Variants in RNF216 observed in about 807,000 individuals in gnomAD.
RNF216 encodes E3 ubiquitin-protein ligase RNF216.
Under a neutral mutation model 110.8 loss-of-function variants are expected in RNF216, and 72 were observed. The observed-to-expected ratio is 0.65, with a 90% CI of 0.54 to 0.79. The LOEUF (loss-of-function observed/expected upper bound fraction) is 0.79. RNF216 is among the 30% of genes least tolerant of loss of function. The pLI is 0.00. For synonymous variants in RNF216, 495 were observed against 407.5 expected, an observed-to-expected ratio of 1.21 and a Z score of -2.59; for missense variants, 1,342 against 1,141.2, an observed-to-expected ratio of 1.18 and a Z score of -2.54.
At position 5,680,649 on chromosome 7, in the gene RNF216, G is replaced by A. The variant is rs561375426; in HGVS notation, c.2062-28139C>T. On this transcript the variant is annotated intron_variant, in intron 13 of 16. Transcript: ENST00000389902. The surrounding 1 kb of genome is among the most constrained non-coding windows in gnomAD (Gnocchi z 4.3). The stretch of plus-strand genomic sequence containing the variant: ...GATCTCCTGACCTTGTGATCTGCCC[G>A]ACTCGGCCTCCCAAAGTGCTGGGAT... Among the ~76,000 whole-genome samples, 11 of 152,056 alleles carry A rather than the reference G, an allele frequency of 7.2e-5. No homozygotes were observed. Among genetic ancestry groups the A allele is most frequent in the Admixed American group, 5.9e-4 (9 of 15,270 alleles).
intron 13 of RNF216, among the ~76,000 whole-genome samples, chr7:5,676,819 T>G (rs1269595530): frequency 6.6e-6 from 1 of 152,192 alleles, no homozygotes; most frequent in Admixed American, 6.5e-5. Context: ...TCCAAGCACT[T>G]CCTCTCTGGT....
chr7:5,660,932 T>C (rs554379760), intron 13 of RNF216, among the ~76,000 whole-genome samples: 214 of 145,082 alleles, frequency 1.5e-3, no homozygotes, highest in Non-Finnish European at 2.5e-3. Flanking sequence ...TCCATGCTCC[T>C]GAAGCCTTAG....
At chr7:5,760,813 G>A (rs1034377345) in intron 2 of RNF216, among the ~76,000 whole-genome samples, 190 bp downstream of exon 2, 1 of 152,170 alleles carries the variant, frequency 6.6e-6, no homozygotes, top group Non-Finnish European at 1.5e-5. Context: ...TGTAATGAAT[G>A]AGTCTTACAC....
At chr7:5,753,664 G>T (rs1795448783) in intron 2 of RNF216, among the ~76,000 whole-genome samples, 1 of 152,098 alleles carries the variant, frequency 6.6e-6, no homozygotes, top group South Asian at 2.1e-4. Flanking sequence ...TTCCTGTCTA[G>T]TTCCATGGGA....
At chr7:5,773,849 G>A (rs10240006) in intron 1 of RNF216, among the ~76,000 whole-genome samples, 72,310 of 152,112 alleles carry the variant, frequency 0.48, 17,661 homozygotes, top group East Asian at 0.82. Context: ...TAACAGGCGA[G>A]TCACCGTGCC....
chr7:5,644,832 T>G (rs993888067), intron 14 of RNF216, among the ~76,000 whole-genome samples: 3 of 150,616 alleles, frequency 2.0e-5, no homozygotes, highest in Non-Finnish European at 4.4e-5. Flanking sequence ...TTTTTCTTTT[T>G]TTTTTTTTTT....
At chr7:5,687,610 T>G (rs1791075787) in intron 13 of RNF216, among the ~76,000 whole-genome samples, 2 of 152,062 alleles carry the variant, frequency 1.3e-5, no homozygotes, top group South Asian at 4.1e-4. Flanking sequence ...TGCCTGCCCC[T>G]TGTGAAATCC....
intron 1 of RNF216, among the ~76,000 whole-genome samples, chr7:5,772,637 T>C (rs567008628): frequency 1.8e-4 from 27 of 152,296 alleles, no homozygotes; most frequent in African/African-American, 6.5e-4. Context: ...AAAGAGTTAA[T>C]AGTCAAATAA....
rs772245818 is a variant in RNF216, at chr7:5,712,874, G to C, written c.1834-11C>G. The C allele has an allele frequency of 1.3e-6, 2 of 1,593,448 alleles. No homozygotes were observed. Among genetic ancestry groups the C allele is most frequent in the Non-Finnish European group, 8.5e-7 (1 of 1,173,136 alleles). ...GCAGCTGAGCTCCAACTAGAAAAAG[G>C]CGAAAAGGCAAAGAAAAAAAAATCA... is the stretch of plus-strand genomic sequence containing the variant. On this transcript the variant is annotated splice_polypyrimidine_tract_variant and intron_variant, in intron 11 of 16. Transcript: ENST00000389902.
chr7:5,683,590 G>A (rs192675052), intron 13 of RNF216, among the ~76,000 whole-genome samples: 42 of 152,308 alleles, frequency 2.8e-4, no homozygotes, highest in African/African-American at 9.9e-4. Context: ...TTTGTGATGG[G>A]AGAGAGGTGC....
At chr7:5,764,357 G>C (rs1249268049) in intron 1 of RNF216, among the ~76,000 whole-genome samples, 2 of 151,588 alleles carry the variant, frequency 1.3e-5, no homozygotes, top group Admixed American at 6.6e-5. Context: ...GATAAAAATA[G>C]ACTCTTCAGG....
intron 1 of RNF216, among the ~76,000 whole-genome samples, chr7:5,774,292 G>A (rs2128683221): frequency 6.6e-6 from 1 of 152,260 alleles, no homozygotes; most frequent in East Asian, 1.9e-4. Context: ...TTAGTTGCGG[G>A]TAGGTAGAGT....
At chr7:5,765,623 G>T (rs1440740904) in intron 1 of RNF216, among the ~76,000 whole-genome samples, 6 of 150,570 alleles carry the variant, frequency 4.0e-5, no homozygotes, top group Admixed American at 4.0e-4. Flanking sequence ...GCGAGACCCT[G>T]CCTCTGAAAC....
In RNF216 at chr7:5,781,241, C is replaced by G. The variant is rs1194688876; in HGVS notation, c.-70+300G>C. Among the ~76,000 whole-genome samples the G allele has an allele frequency of 3.3e-5, 5 of 152,154 alleles. No homozygotes were observed. The East Asian group carries it at 9.6e-4, about 29-fold the overall frequency. The stretch of plus-strand genomic sequence containing the variant: ...AAGCGCGGTCTCCCGGGCTGTTGCC[C>G]TCGCGCAGCAGACCCGAGGGGCCGG... On this transcript the variant is annotated intron_variant, in intron 1 of 16. Coordinates refer to ENST00000389902, the MANE Select transcript of RNF216 (RefSeq NM_207111.4).
chr7:5,739,662 T>C (rs1257740652), intron 4 of RNF216: 1 of 484,284 alleles, frequency 2.1e-6, no homozygotes, highest in Non-Finnish European at 4.1e-6. Context: ...TAAGTTACAA[T>C]CTCATGCCAG....
intron 13 of RNF216, among the ~76,000 whole-genome samples, chr7:5,707,717 G>GTGGTTT (rs1491005269): frequency 7.8e-6 from 1 of 128,798 alleles, no homozygotes; most frequent in African/African-American, 3.0e-5. Context: ...GTGTGTGTGT[G>GTGGTTT]GTTTTTTTTT....
rs573841262 is a variant in RNF216 at position 5,696,348 on chromosome 7, G to A, written c.2061+15413C>T. On this transcript the variant is annotated intron_variant, in intron 13 of 16. Coordinates refer to ENST00000389902, the MANE Select transcript of RNF216 (RefSeq NM_207111.4). This position sits in a 1 kb window ranked among gnomAD's most constrained non-coding sequence, Gnocchi z 5.4. Reference sequence around the variant, plus strand: ...TGAGTGAGAGAAATTAAGCTTATTCGACATGCCTTCGGCTGGAAAACAAGC... The same window carrying A: ...TGAGTGAGAGAAATTAAGCTTATTCAACATGCCTTCGGCTGGAAAACAAGC... 2.6e-5 allele frequency among the ~76,000 whole-genome samples: 4 copies of A among 152,220 alleles called. No homozygotes were observed. The highest frequency in any genetic ancestry group is 1.9e-4 in the East Asian group (1 of 5,196).
chr7:5,665,461 G>T lies in RNF216; in HGVS notation c.2062-12951C>A, dbSNP rs183301880. Among the ~76,000 whole-genome samples, 44 of 152,284 alleles carry T rather than the reference G, an allele frequency of 2.9e-4. No homozygotes were observed. The East Asian group carries it at 5.0e-3, about 17-fold the overall frequency. On this transcript the variant is annotated intron_variant, in intron 13 of 16. Coordinates refer to ENST00000389902, the MANE Select transcript of RNF216 (RefSeq NM_207111.4). ...GCTTTGAAAAAAGAAATCTTGAAGT[G>T]TTATTTCTGTGGATTAGAAAAGTTC...
At chr7:5,762,351 C>T (rs1795978570) in intron 1 of RNF216, among the ~76,000 whole-genome samples, 17 of 151,736 alleles carry the variant, frequency 1.1e-4, no homozygotes, top group Non-Finnish European at 2.1e-4. Flanking sequence ...GGTGAAACCC[C>T]ATCTCTATTA....
Sources: allele counts gnomAD v4.1 joint callset (sites outside exome capture counted in the v4.1 genomes callset), GRCh38; gene constraint gnomAD v4.1.1; non-coding constraint Gnocchi (gnomAD v3.1); transcripts MANE v1.5; gene names NCBI Gene and HGNC (gene_info 2026-07-23, HGNC 2026-07-21).